Variants in PIK3C2B observed in about 807,000 individuals in gnomAD.
PIK3C2B encodes phosphatidylinositol 4-phosphate 3-kinase C2 domain-containing subunit beta.
Under a neutral mutation model 184.3 loss-of-function variants are expected in PIK3C2B, and 83 were observed. The observed-to-expected ratio is 0.45, with a 90% CI of 0.38 to 0.54. PIK3C2B has a LOEUF of 0.54. PIK3C2B is among the 20% of genes least tolerant of loss of function. PIK3C2B has a pLI of 0.00. For missense variants in PIK3C2B, 1,736 were observed against 2,113.5 expected (o/e 0.82, Z 3.50); for synonymous variants, 779 against 837.6 (o/e 0.93, Z 1.21).
At chr1:204,469,927 A>G (rs778418943) in intron 1 of PIK3C2B, 41 bp from the exon 2 acceptor site, 5 of 631,476 alleles carry the variant, frequency 7.9e-6, no homozygotes, top group Non-Finnish European at 8.5e-6. Flanking sequence ...TCACAAAGAG[A>G]GATTTACTAA....
chr1:204,456,289 G>A (rs953852167), intron 10 of PIK3C2B: 48 of 390,078 alleles, frequency 1.2e-4, no homozygotes, highest in Middle Eastern at 6.5e-4. Context: ...TTATTTTTAC[G>A]TATTGCTACT....
At chr1:204,429,066 A>C (rs1674898209) in intron 29 of PIK3C2B, 1 of 343,804 alleles carries the variant, frequency 2.9e-6, no homozygotes, top group African/African-American at 2.2e-5. Flanking sequence ...TTACAAAAAA[A>C]AAAATACAAA....
chr1:204,452,024 C>G (rs146715187), intron 12 of PIK3C2B, among the ~76,000 whole-genome samples: 37 of 152,332 alleles, frequency 2.4e-4, no homozygotes, highest in African/African-American at 8.7e-4. Context: ...AACGCTGGCA[C>G]GCCTTCCCCC....
At chr1:204,456,252 A>G in intron 10 of PIK3C2B, 1 of 462,894 alleles carries the variant, frequency 2.2e-6, no homozygotes, top group Non-Finnish European at 3.8e-6. Flanking sequence ...TCATAAAATG[A>G]CAGTTATACA....
At position 204,457,827 on chromosome 1, in the gene PIK3C2B, G is replaced by A. The variant is rs1266695640; in HGVS notation, c.1614C>T (p.Ala538=). ...KADRVVQSVK[A]ICNALAAVET... Reference sequence around the variant, plus strand: ...CCACGGCGGCCAGGGCGTTGCAGATGGCCTTGACGGACTGGACCACCCTGT... The same window carrying A: ...CCACGGCGGCCAGGGCGTTGCAGATAGCCTTGACGGACTGGACCACCCTGT... The change falls in exon 9 of 33, where the codon GCC becomes GCT. Residue 538 remains alanine, a synonymous_variant. Transcript: ENST00000684373. 6.2e-7 allele frequency: 1 copy of A among 1,613,220 alleles called. No homozygotes were observed. Among genetic ancestry groups the A allele is most frequent in the Non-Finnish European group, 8.5e-7 (1 of 1,179,716 alleles).
Position 204,469,664 on chromosome 1 carries a change from TCTC to T in PIK3C2B, c.136_138del (p.Glu46del), listed in dbSNP as rs776603670. The T allele has an allele frequency of 1.2e-5, 19 of 1,613,802 alleles. No individual in the cohort carries two copies. The highest frequency in any genetic ancestry group is 5.3e-5 in the African/African-American group (4 of 74,830). On this transcript the variant is annotated inframe_deletion, in exon 2 of 33. Coordinates refer to ENST00000684373, the MANE Select transcript of PIK3C2B (RefSeq NM_001377334.1). ...GGGTCTGCGTTCTGCTTGGCTCTGT[TCTC>T]CTCCTTGTCATGCCGGAGCCGGGAC...
Position 204,424,857 on chromosome 1 carries a change from A to G in PIK3C2B, c.4900T>C (p.Leu1634=). 6.2e-7 allele frequency: 1 copy of G among 1,613,842 alleles called. No individual in the cohort carries two copies. Residue 1634 remains leucine, a synonymous_variant, in exon 33 of 33, where the codon TTG becomes CTG. Coordinates refer to ENST00000684373, the MANE Select transcript of PIK3C2B (RefSeq NM_001377334.1). ...FALGSRSHGT[L] is the part of the protein sequence containing the mutation. ...GGGTGGTGGCTCTGCTGGGCTCACA[A>G]GGTGCCATGACTTCGAGATCCCAGG...
At position 204,460,562 on chromosome 1, in the gene PIK3C2B, G is replaced by T; in HGVS notation, c.1410C>A (p.Asp470Glu). The T allele has an allele frequency of 6.2e-7, 1 of 1,613,740 alleles. No homozygotes were observed. The highest frequency in any genetic ancestry group is 8.5e-7 in the Non-Finnish European group (1 of 1,179,744). The change falls in exon 6 of 33, where the codon GAC becomes GAA. Residue 470 changes from aspartate (D) to glutamate (E), a missense_variant. Physicochemically the swap from Asp to Glu is conservative, Grantham distance 45. This residue lies in a region of PIK3C2B where 609 missense variants were observed against 699.2 expected (regional missense o/e 0.87). Transcript: ENST00000684373. Reference protein sequence around the residue: ...QLMEQKVVRSDLARTVNDDQS... With the variant: ...QLMEQKVVRSELARTVNDDQS... ...CCCTCACACGAACCGTCCGGGCCAG[G>T]TCACTGCGCACAACCTTCTGCTCCA...
chr1:204,426,640 C>G (rs529622085), intron 31 of PIK3C2B, among the ~76,000 whole-genome samples: 1 of 152,202 alleles, frequency 6.6e-6, no homozygotes, highest in African/African-American at 2.4e-5. Flanking sequence ...CCGTTCCCAA[C>G]TAGAATGTAA....
chr1:204,442,775 TAAG>T (rs1373933847), intron 19 of PIK3C2B, 142 bp from the exon 20 acceptor site: 1 of 607,020 alleles, frequency 1.6e-6, no homozygotes, highest in East Asian at 2.8e-5. Flanking sequence ...AGAAGATCCT[TAAG>T]GAGGAGGACC....
chr1:204,470,567 A>C (rs1304950490), intron 1 of PIK3C2B, among the ~76,000 whole-genome samples: 2 of 152,242 alleles, frequency 1.3e-5, no homozygotes, highest in African/African-American at 4.8e-5. Flanking sequence ...GGGGAATGTA[A>C]AATGGTACAA....
chr1:204,447,721 G>A lies in PIK3C2B; in HGVS notation c.2347-143C>T. The stretch of plus-strand genomic sequence containing the variant: ...TTTGTAAAATAGCCCTGTTAGACTT[G>A]GTGATCTCTAAAGTCCTTTCCAGCT... On this transcript the variant is annotated intron_variant, in intron 14 of 32. Coordinates refer to ENST00000684373, the MANE Select transcript of PIK3C2B (RefSeq NM_001377334.1). This position sits in a 1 kb window ranked among gnomAD's most constrained non-coding sequence, Gnocchi z 4.1. 9.9e-6 allele frequency: 6 copies of A among 607,916 alleles called. No homozygotes were observed. The allele number at this position is 607,916 out of a possible 1,614,324, so 37.7% of individuals were successfully genotyped here. A position where few individuals can be genotyped will look rare whatever the true frequency, so the allele number is the denominator to read the frequency against.
Position 204,469,520 on chromosome 1 carries a change from A to G in PIK3C2B, c.283T>C (p.Ser95Pro), listed in dbSNP as rs1466218411. The change falls in exon 2 of 33, where the codon TCA becomes CCA. Residue 95 changes from serine to proline, a missense_variant. Ser to Pro is a moderately conservative substitution (Grantham distance 74). Coordinates refer to ENST00000684373, the MANE Select transcript of PIK3C2B (RefSeq NM_001377334.1). ...GGCGGCCCTTCCTGTGGGGAGAGTG[A>G]GTTGTAGTTAAGGGTAGGATCAGAG... The part of the protein sequence containing the change: ...SGSDPTLNYN[S>P]LSPQEGPPNH... 2 of 1,604,988 alleles carry G rather than the reference A, an allele frequency of 1.2e-6. No individual in the cohort carries two copies. Among genetic ancestry groups the G allele is most frequent in the Non-Finnish European group, 1.7e-6 (2 of 1,175,470 alleles).
intron 9 of PIK3C2B, among the ~76,000 whole-genome samples, chr1:204,457,443 C>T (rs1572348326): frequency 6.6e-6 from 1 of 152,200 alleles, no homozygotes; most frequent in Non-Finnish European, 1.5e-5. Context: ...GATGGATATG[C>T]AGACTGTCAG....
In PIK3C2B at chr1:204,450,984, T is replaced by TA. The variant is rs1171697346; in HGVS notation, c.2067-968dup. ...ACCCCCAAGGTTGGCAGTTTCATGA[T>TA]AAAGCAGCCTGCCTCCACCGCTGTC... is the stretch of plus-strand genomic sequence containing the variant. On this transcript the variant is annotated intron_variant, in intron 12 of 32. Coordinates refer to ENST00000684373, the MANE Select transcript of PIK3C2B (RefSeq NM_001377334.1). Among the ~76,000 whole-genome samples, 14 of 152,336 alleles carry TA rather than the reference T, an allele frequency of 9.2e-5. No homozygotes were observed. In the East Asian group the frequency reaches 2.7e-3, roughly 29 times the overall value.
At chr1:204,487,232 AG>A (rs1657670745) in intron 1 of PIK3C2B, among the ~76,000 whole-genome samples, 1 of 152,220 alleles carries the variant, frequency 6.6e-6, no homozygotes, top group Non-Finnish European at 1.5e-5. Flanking sequence ...CAGCCTCTCA[AG>A]TAGCTAGGAC....
At chr1:204,488,348 G>A (rs1657771800) in intron 1 of PIK3C2B, among the ~76,000 whole-genome samples, 1 of 152,162 alleles carries the variant, frequency 6.6e-6, no homozygotes, top group Non-Finnish European at 1.5e-5. Context: ...TAATCTATAG[G>A]ATTATCATGA....
rs760461715 is a variant in PIK3C2B, at chr1:204,440,784, TA to T, written c.3250-464del. Reference sequence around the variant, plus strand: ...GCTAATTTATATATATATATATATATATATTTTTAGTAGAGATGGGGTCTCA... The same window carrying T: ...GCTAATTTATATATATATATATATATTATTTTTAGTAGAGATGGGGTCTCA... On this transcript the variant is annotated intron_variant, in intron 21 of 32. Transcript: ENST00000684373. Among the ~76,000 whole-genome samples the T allele has an allele frequency of 5.2e-3, 772 of 149,458 alleles. 10 individuals carry two copies. Among genetic ancestry groups the T allele is most frequent in the Middle Eastern group, 0.011 (3 of 284 alleles).
At chr1:204,464,723 C>T in intron 3 of PIK3C2B, 119 bp from the exon 4 acceptor site, 1 of 959,106 alleles carries the variant, frequency 1.0e-6, no homozygotes, top group Non-Finnish European at 1.5e-6. Flanking sequence ...TCAGCCCAGC[C>T]CTCCAAATTT....
Sources: allele counts gnomAD v4.1 joint callset (sites outside exome capture counted in the v4.1 genomes callset), GRCh38; gene constraint gnomAD v4.1.1; regional missense constraint gnomAD v4.1.1; non-coding constraint Gnocchi (gnomAD v3.1); transcripts MANE v1.5; gene names NCBI Gene and HGNC (gene_info 2026-07-23, HGNC 2026-07-21).